NTM: variants seen among roughly 807,000 people sequenced by gnomAD.
The protein encoded by NTM is neurotrimin.
In NTM, 13 loss-of-function variants were observed where a neutral mutation model predicts 42.1. The ratio of observed to expected loss-of-function variants is 0.31; its 90% CI spans 0.20 to 0.49. The LOEUF is 0.49. Among genes scored for constraint, NTM ranks in the 20% least tolerant of loss-of-function variants. NTM has a pLI of 0.99. For synonymous variants in NTM, 187 were observed against 179.2 expected, an observed-to-expected ratio of 1.04 and a Z score of -0.35; for missense variants, 373 against 452.8, an observed-to-expected ratio of 0.82 and a Z score of 1.60.
rs777156880 is a variant in NTM at position 132,212,023 on chromosome 11, A to G, written c.402A>G (p.Val134=). ...KTSRVHLIVQ[V]SPKIVEISSD... is the part of the protein sequence containing the mutation. ...TTTCATTCTGTCTTGTTTCCACAGTATCTCCCAAAATTGTAGAGATTTCTT... is the reference window on the plus strand; with the variant it reads ...TTTCATTCTGTCTTGTTTCCACAGTGTCTCCCAAAATTGTAGAGATTTCTT... The change falls in exon 4 of 9, where the codon GTA becomes GTG. Residue 134 remains valine (V), a splice_region_variant and synonymous_variant. Coordinates refer to ENST00000683400, the MANE Select transcript of NTM (RefSeq NM_001352005.2). 1.9e-6 allele frequency: 3 copies of G among 1,606,888 alleles called. No individual in the cohort carries two copies. Among genetic ancestry groups the G allele is most frequent in the Non-Finnish European group, 2.5e-6 (3 of 1,177,926 alleles).
chr11:132,266,488 A>T (rs1235183672), intron 4 of NTM, among the ~76,000 whole-genome samples: 2 of 152,162 alleles, frequency 1.3e-5, no homozygotes, highest in Non-Finnish European at 2.9e-5. Context: ...TCTAAATATG[A>T]TTTTACATGA....
chr11:131,571,083 G>A (rs2057399402), intron 1 of NTM, among the ~76,000 whole-genome samples: 1 of 152,242 alleles, frequency 6.6e-6, no homozygotes, highest in Non-Finnish European at 1.5e-5. Flanking sequence ...AAGTCACTTA[G>A]CTGCTCTGTG....
At chr11:132,141,844 G>A (rs1243422044) in intron 2 of NTM, among the ~76,000 whole-genome samples, 2 of 152,190 alleles carry the variant, frequency 1.3e-5, no homozygotes, top group African/African-American at 2.4e-5. Flanking sequence ...TAGGCCATGG[G>A]CTGTCCACGG....
chr11:131,524,531 C>G (rs1301836825), intron 1 of NTM, among the ~76,000 whole-genome samples: 5 of 152,206 alleles, frequency 3.3e-5, no homozygotes, highest in African/African-American at 1.2e-4. Flanking sequence ...AGGATAAGCA[C>G]AGAAGAACAG....
intron 1 of NTM, among the ~76,000 whole-genome samples, chr11:131,756,708 T>A (rs1467067223): frequency 6.6e-6 from 1 of 152,016 alleles, no homozygotes; most frequent in Non-Finnish European, 1.5e-5. Context: ...AAAAAATTGC[T>A]ATAATCAGGG....
chr11:131,895,568 T>A (rs1290450281), intron 1 of NTM, among the ~76,000 whole-genome samples: 1 of 152,136 alleles, frequency 6.6e-6, no homozygotes, highest in Non-Finnish European at 1.5e-5. Context: ...ACCTAGTTGG[T>A]AAGATCAGAC....
At chr11:131,840,842 C>T (rs2136671705) in intron 1 of NTM, among the ~76,000 whole-genome samples, 1 of 152,118 alleles carries the variant, frequency 6.6e-6, no homozygotes, top group South Asian at 2.1e-4. Flanking sequence ...TTTTATTTTT[C>T]TCAGTGAAGG....
chr11:132,184,898 G>A (rs1004754205), intron 3 of NTM, among the ~76,000 whole-genome samples: 9 of 152,092 alleles, frequency 5.9e-5, no homozygotes, highest in African/African-American at 2.2e-4. Flanking sequence ...ATTCAGAAAC[G>A]GTGTGGCTGG....
intron 1 of NTM, among the ~76,000 whole-genome samples, chr11:131,527,364 C>G (rs1203786704): frequency 6.6e-6 from 1 of 152,194 alleles, no homozygotes; most frequent in East Asian, 1.9e-4. Context: ...CTATAACCAA[C>G]AGCTTGGTGA....
intron 2 of NTM, among the ~76,000 whole-genome samples, chr11:132,124,192 C>T (rs1055807527): frequency 6.6e-6 from 1 of 152,112 alleles, no homozygotes; most frequent in Admixed American, 6.5e-5. Context: ...TCTGCTATTG[C>T]CCCTCCCATC....
At chr11:132,279,959 A>G (rs1353330477) in intron 4 of NTM, among the ~76,000 whole-genome samples, 1 of 152,204 alleles carries the variant, frequency 6.6e-6, no homozygotes, top group Non-Finnish European at 1.5e-5. Flanking sequence ...AATGACCAAT[A>G]ACTCCTACTA....
intron 1 of NTM, among the ~76,000 whole-genome samples, chr11:131,750,836 C>T (rs1017265664): frequency 8.5e-5 from 13 of 152,128 alleles, no homozygotes; most frequent in East Asian, 3.9e-4. Context: ...CAATCCTAAG[C>T]GCTTCCCAGG....
chr11:132,146,550 G>A lies in NTM; in HGVS notation c.400+36G>A, dbSNP rs776462233. On this transcript the variant is annotated intron_variant, in intron 3 of 8. Coordinates refer to ENST00000683400, the MANE Select transcript of NTM (RefSeq NM_001352005.2). This position sits in a 1 kb window ranked among gnomAD's most constrained non-coding sequence, Gnocchi z 4.5. The stretch of plus-strand genomic sequence containing the variant: ...GGGGCTTGGCGGGGAGATCTGGCTG[G>A]CCAGCCTGGAAAGCCTTCAGGTAAA... 7 of 1,604,774 alleles carry A rather than the reference G, an allele frequency of 4.4e-6. No homozygotes were observed. The African/African-American group carries it at 6.7e-5, about 15-fold the overall frequency.
intron 1 of NTM, among the ~76,000 whole-genome samples, chr11:131,575,630 C>CT (rs2057859331): frequency 6.6e-6 from 1 of 152,192 alleles, no homozygotes; most frequent in Non-Finnish European, 1.5e-5. Context: ...CCAGCCTGAT[C>CT]TTTCTACTTT....
At chr11:131,440,226 T>G (rs560650929) in intron 1 of NTM, among the ~76,000 whole-genome samples, 1 of 151,958 alleles carries the variant, frequency 6.6e-6, no homozygotes, top group African/African-American at 2.4e-5. Context: ...TTTCTAGGAG[T>G]TCTTTATTAT....
At chr11:132,233,695 T>C (rs531178013) in intron 4 of NTM, among the ~76,000 whole-genome samples, 8 of 152,224 alleles carry the variant, frequency 5.3e-5, no homozygotes, top group Non-Finnish European at 8.8e-5. Context: ...ATTGTAGGTA[T>C]AGGTTGGCAA....
chr11:131,510,226 T>C (rs2048051005), intron 1 of NTM, among the ~76,000 whole-genome samples: 1 of 152,190 alleles, frequency 6.6e-6, no homozygotes, highest in Admixed American at 6.5e-5. Flanking sequence ...TTCTTGTCAC[T>C]CTCGCATCCC....
chr11:131,941,118 TC>T (rs2059747917), intron 2 of NTM, among the ~76,000 whole-genome samples: 1 of 152,150 alleles, frequency 6.6e-6, no homozygotes, highest in African/African-American at 2.4e-5. Flanking sequence ...TTCTCACACA[TC>T]TAATTTATAT....
intron 1 of NTM, among the ~76,000 whole-genome samples, chr11:131,518,607 T>G (rs1467834090): frequency 6.6e-6 from 1 of 152,204 alleles, no homozygotes; most frequent in Non-Finnish European, 1.5e-5. Context: ...TCAAAATTGA[T>G]GCTGTGTGAA....
Sources: allele counts gnomAD v4.1 joint callset (sites outside exome capture counted in the v4.1 genomes callset), GRCh38; gene constraint gnomAD v4.1.1; non-coding constraint Gnocchi (gnomAD v3.1); transcripts MANE v1.5; gene names NCBI Gene and HGNC (gene_info 2026-07-23, HGNC 2026-07-21).